CNTNAP2: variants seen among roughly 807,000 people sequenced by gnomAD.
The protein encoded by CNTNAP2 is contactin-associated protein-like 2.
In CNTNAP2, 98 loss-of-function variants were observed where a neutral mutation model predicts 155.2. That is an observed-to-expected ratio of 0.63 (90% CI 0.54 to 0.75). The LOEUF (loss-of-function observed/expected upper bound fraction) is 0.75, where lower values mean the gene tolerates loss of function less well. Among genes scored for constraint, CNTNAP2 ranks in the 30% least tolerant of loss-of-function variants. CNTNAP2 has a pLI of 0.00. For synonymous variants in CNTNAP2, 651 were observed against 631.2 expected (o/e 1.03, Z -0.47); for missense variants, 1,727 against 1,688.1 (o/e 1.02, Z -0.40).
intron 1 of CNTNAP2, among the ~76,000 whole-genome samples, chr7:146,136,081 C>A (rs911214016): frequency 2.6e-5 from 4 of 152,102 alleles, no homozygotes; most frequent in Non-Finnish European, 5.9e-5. Context: ...TAAAATTATT[C>A]ATTGTTTATT....
intron 9 of CNTNAP2, among the ~76,000 whole-genome samples, chr7:147,324,777 G>A: frequency 6.6e-6 from 1 of 151,646 alleles, no homozygotes; most frequent in East Asian, 1.9e-4. Context: ...GAGCTGGGGG[G>A]GCATTTTGTT....
At chr7:147,666,845 G>T (rs1022706191) in intron 13 of CNTNAP2, among the ~76,000 whole-genome samples, 1 of 152,184 alleles carries the variant, frequency 6.6e-6, no homozygotes, top group Non-Finnish European at 1.5e-5. Flanking sequence ...AGTCAGGTCT[G>T]TCCCATTCCA....
chr7:147,112,483 T>C (rs372818245), intron 5 of CNTNAP2, among the ~76,000 whole-genome samples: 1 of 152,340 alleles, frequency 6.6e-6, no homozygotes, highest in South Asian at 2.1e-4. Flanking sequence ...TTTTCCCCAT[T>C]CAGTATGATA....
chr7:146,294,797 T>G (rs554597277), intron 1 of CNTNAP2, among the ~76,000 whole-genome samples: 2 of 152,310 alleles, frequency 1.3e-5, no homozygotes, highest in Non-Finnish European at 2.9e-5. Context: ...AATTCCAGAA[T>G]GTTGTCAGTC....
Position 147,780,183 on chromosome 7 carries a change from A to G in CNTNAP2, c.2099-123382A>G, listed in dbSNP as rs78619949. On this transcript the variant is annotated intron_variant, in intron 13 of 23. Coordinates refer to ENST00000361727, the MANE Select transcript of CNTNAP2 (RefSeq NM_014141.6). ...AATGACAGGCACAGAGGCAACACAGACATTTCTGAAGGAGCAAAATGTCAG... is the reference window on the plus strand; with the variant it reads ...AATGACAGGCACAGAGGCAACACAGGCATTTCTGAAGGAGCAAAATGTCAG... Among the ~76,000 whole-genome samples, 1,472 of 152,282 alleles carry G rather than the reference A, an allele frequency of 9.7e-3. 24 individuals are homozygous for G. The highest frequency in any genetic ancestry group is 0.034 in the African/African-American group (1,397 of 41,574).
chr7:148,064,322 A>G (rs575234829), intron 15 of CNTNAP2, among the ~76,000 whole-genome samples: 43 of 152,188 alleles, frequency 2.8e-4, no homozygotes, highest in Non-Finnish European at 5.6e-4. Context: ...TTTTGGCAGT[A>G]TGGTCATTTT....
intron 1 of CNTNAP2, among the ~76,000 whole-genome samples, chr7:146,411,798 TTTTTA>T (rs1179422090): frequency 1.1e-4 from 16 of 142,274 alleles, no homozygotes; most frequent in Non-Finnish European, 2.1e-4. Flanking sequence ...AACATTGTTA[TTTTTA>T]TTTTATTTTA....
intron 8 of CNTNAP2, among the ~76,000 whole-genome samples, chr7:147,192,556 C>A (rs1399469137): frequency 6.6e-6 from 1 of 152,094 alleles, no homozygotes; most frequent in African/African-American, 2.4e-5. Context: ...TCCCCACCCT[C>A]TCCAAGTGAC....
chr7:146,904,513 C>A (rs1006665148), intron 3 of CNTNAP2, among the ~76,000 whole-genome samples: 1 of 152,094 alleles, frequency 6.6e-6, no homozygotes, highest in African/African-American at 2.4e-5. Context: ...GCTCTGTCAC[C>A]CAGGCTGGAG....
chr7:146,349,248 G>A (rs1054889755), intron 1 of CNTNAP2, among the ~76,000 whole-genome samples: 3 of 147,092 alleles, frequency 2.0e-5, no homozygotes, highest in Middle Eastern at 7.0e-3. Flanking sequence ...GATGTGGGTG[G>A]GGAACGAGGT....
At chr7:146,860,194 T>C (rs964931225) in intron 3 of CNTNAP2, among the ~76,000 whole-genome samples, 23 of 152,178 alleles carry the variant, frequency 1.5e-4, no homozygotes, top group African/African-American at 5.5e-4. Context: ...TCATGGAGAT[T>C]AGAGCTAGAT....
chr7:147,392,869 T>A (rs867829272), intron 9 of CNTNAP2, among the ~76,000 whole-genome samples: 1 of 152,098 alleles, frequency 6.6e-6, no homozygotes, highest in Non-Finnish European at 1.5e-5. Context: ...AAGTAGTGAA[T>A]TAATGGCATT....
At chr7:147,136,574 C>T (rs944562379) in intron 8 of CNTNAP2, among the ~76,000 whole-genome samples, 2 of 151,890 alleles carry the variant, frequency 1.3e-5, no homozygotes, top group Non-Finnish European at 1.5e-5. Context: ...TGGGAGCATG[C>T]TGGGAAATAG....
chr7:147,186,867 T>TTTAGAATGTCAGTGATGGTGAA (rs1563108078), intron 8 of CNTNAP2, among the ~76,000 whole-genome samples: 3 of 141,810 alleles, frequency 2.1e-5, no homozygotes, highest in East Asian at 2.0e-4. Flanking sequence ...AGAAGGCACT[T>TTTAGAATGTCAGTGATGGTGAA]GATCTTTTCG....
At chr7:146,914,961 TA>T (rs1034326172) in intron 3 of CNTNAP2, among the ~76,000 whole-genome samples, 2 of 152,200 alleles carry the variant, frequency 1.3e-5, no homozygotes, top group Non-Finnish European at 2.9e-5. Flanking sequence ...GACTTATATT[TA>T]GGTTTTTGAT....
At chr7:146,590,069 G>A (rs1584995952) in intron 1 of CNTNAP2, among the ~76,000 whole-genome samples, 1 of 152,164 alleles carries the variant, frequency 6.6e-6, no homozygotes, top group East Asian at 1.9e-4. Flanking sequence ...AAGAAGAACA[G>A]GTTCATATTA....
chr7:148,049,503 C>G (rs1373030032), intron 15 of CNTNAP2, among the ~76,000 whole-genome samples: 2 of 151,734 alleles, frequency 1.3e-5, no homozygotes, highest in African/African-American at 2.4e-5. Context: ...AAAATTAAAA[C>G]TAGTAAAGTG....
At chr7:148,091,200 G>T (rs1803833441) in intron 15 of CNTNAP2, among the ~76,000 whole-genome samples, 1 of 152,098 alleles carries the variant, frequency 6.6e-6, no homozygotes, top group Non-Finnish European at 1.5e-5. Flanking sequence ...TATGAAAATT[G>T]CTATGAGAGT....
chr7:146,888,899 A>G (rs1180862230), intron 3 of CNTNAP2, among the ~76,000 whole-genome samples: 1 of 152,150 alleles, frequency 6.6e-6, no homozygotes, highest in African/African-American at 2.4e-5. Flanking sequence ...TGCAAGGTAA[A>G]TAAGTCCTGG....
Sources: gnomAD v4.1 joint callset for allele counts (sites outside exome capture counted in the v4.1 genomes callset) on GRCh38, gnomAD v4.1.1 for gene constraint, MANE v1.5 for transcripts, NCBI Gene and HGNC (gene_info 2026-07-23, HGNC 2026-07-21) for gene names.